NUBPL: variants seen among roughly 807,000 people sequenced by gnomAD.
NUBPL encodes NUBP iron-sulfur cluster assembly factor, mitochondrial, also known as iron-sulfur cluster transfer protein NUBPL.
Under a neutral mutation model 45.7 loss-of-function variants are expected in NUBPL, and 31 were observed. The observed-to-expected ratio is 0.68, with a 90% CI of 0.51 to 0.92. NUBPL has a LOEUF of 0.92. Ranked by LOEUF, NUBPL falls within the 40% of genes least tolerant of loss-of-function variation. NUBPL has a pLI of 0.00. For missense variants in NUBPL, 401 were observed against 398.7 expected (o/e 1.01, Z -0.05); for synonymous variants, 144 against 140.9 (o/e 1.02, Z -0.15).
intron 3 of NUBPL, among the ~76,000 whole-genome samples, chr14:31,596,487 C>CA (rs1259336016): frequency 2.2e-5 from 3 of 135,332 alleles, no homozygotes; most frequent in Non-Finnish European, 5.1e-5. Flanking sequence ...CCAAATCCTG[C>CA]CGTTTTTTGT....
At chr14:31,642,508 T>G (rs1325799304) in intron 4 of NUBPL, among the ~76,000 whole-genome samples, 1 of 152,048 alleles carries the variant, frequency 6.6e-6, no homozygotes, top group African/African-American at 2.4e-5. Flanking sequence ...GAGTGTGGAT[T>G]TATTTATGTG....
At chr14:31,778,311 A>AAAAC (rs1046918164) in intron 6 of NUBPL, among the ~76,000 whole-genome samples, 4 of 152,146 alleles carry the variant, frequency 2.6e-5, no homozygotes, top group South Asian at 2.1e-4. Flanking sequence ...TGAACAGACA[A>AAAAC]AAACAAACAA....
In NUBPL at chr14:31,593,513, CAAA is replaced by C. The variant is rs34026301; in HGVS notation, c.292-5754_292-5752del. Among the ~76,000 whole-genome samples the C allele has an allele frequency of 2.8e-3, 207 of 75,176 alleles. 1 individual carries two copies. Among genetic ancestry groups the C allele is most frequent in the African/African-American group, 0.011 (175 of 15,754 alleles). 49.3% of individuals were successfully genotyped at this position (75,176 alleles called of 152,430 possible). On this transcript the variant is annotated intron_variant, in intron 3 of 10. Transcript: ENST00000281081. ...TGGGCGACAGAGCGAGCTTCCGTCTCAAAAAAAAAAAAAAAAAAAAAAAAGAGT... is the reference window on the plus strand; with the variant it reads ...TGGGCGACAGAGCGAGCTTCCGTCTCAAAAAAAAAAAAAAAAAAAAAGAGT...
At position 31,582,317 on chromosome 14, in the gene NUBPL, A is replaced by C. The variant is rs539900744; in HGVS notation, c.292-16972A>C. On this transcript the variant is annotated intron_variant, in intron 3 of 10. Coordinates refer to ENST00000281081, the MANE Select transcript of NUBPL (RefSeq NM_025152.3). Reference sequence around the variant, plus strand: ...TATGAATGGAGTATTCTAGTGAGCAAACACCAGCTGTGTGTGACTAAGGGT... The same window carrying C: ...TATGAATGGAGTATTCTAGTGAGCACACACCAGCTGTGTGTGACTAAGGGT... 2.2e-4 allele frequency among the ~76,000 whole-genome samples: 34 copies of C among 151,952 alleles called. No homozygotes were observed. The South Asian group carries it at 5.8e-3, about 26-fold the overall frequency.
chr14:31,834,461 G>A (rs1046777207), intron 8 of NUBPL, among the ~76,000 whole-genome samples: 1 of 152,162 alleles, frequency 6.6e-6, no homozygotes, highest in South Asian at 2.1e-4. Flanking sequence ...TTACAGGCGT[G>A]AGCCACTGCG....
chr14:31,734,204 T>A (rs1434217266), intron 6 of NUBPL, among the ~76,000 whole-genome samples: 1 of 152,208 alleles, frequency 6.6e-6, no homozygotes, highest in East Asian at 1.9e-4. Context: ...TATAATTTTC[T>A]TCACATAAAA....
chr14:31,858,536 G>A (rs1469631050), intron 10 of NUBPL, among the ~76,000 whole-genome samples: 3 of 152,204 alleles, frequency 2.0e-5, no homozygotes, highest in Non-Finnish European at 4.4e-5. Flanking sequence ...GCTGCTGTTA[G>A]TGTCCCATGA....
At position 31,817,253 on chromosome 14, in the gene NUBPL, G is replaced by A. The variant is rs1222023893; in HGVS notation, c.608-9376G>A. Among the ~76,000 whole-genome samples, 8 of 152,188 alleles carry A rather than the reference G, an allele frequency of 5.3e-5. No homozygotes were observed. The East Asian group carries it at 1.5e-3, about 29-fold the overall frequency. On this transcript the variant is annotated intron_variant, in intron 7 of 10. Transcript: ENST00000281081. Reference sequence around the variant, plus strand: ...AACCAAGTTGAAAAACACTCTTCAGGTTATTATCCAGGAGAATTTTCCTTC... The same window carrying A: ...AACCAAGTTGAAAAACACTCTTCAGATTATTATCCAGGAGAATTTTCCTTC...
intron 4 of NUBPL, among the ~76,000 whole-genome samples, chr14:31,664,582 A>G (rs2036358511): frequency 6.6e-6 from 1 of 152,194 alleles, no homozygotes. Flanking sequence ...CCAGGGATGA[A>G]GCCAACTTGA....
intron 4 of NUBPL, among the ~76,000 whole-genome samples, chr14:31,600,304 G>C (rs1198843949): frequency 6.6e-6 from 1 of 152,132 alleles, no homozygotes; most frequent in Admixed American, 6.5e-5. Flanking sequence ...GGGGGTGCCT[G>C]GAGCTATCCT....
At chr14:31,760,126 A>AGTGTGTGTGTGTGT (rs147699444) in intron 6 of NUBPL, among the ~76,000 whole-genome samples, 492 of 29,782 alleles carry the variant, frequency 0.017, 73 homozygotes, top group African/African-American at 0.026. Flanking sequence ...TTCTGACTTT[A>AGTGTGTGTGTGTGT]GTGTGTGTGT....
chr14:31,666,254 TA>T (rs377119785), intron 4 of NUBPL, among the ~76,000 whole-genome samples: 9,132 of 52,412 alleles, frequency 0.17, 953 homozygotes, highest in South Asian at 0.27. Flanking sequence ...TATATATATA[TA>T]TATATATAAT....
chr14:31,568,212 A>G (rs2033489306), intron 3 of NUBPL, among the ~76,000 whole-genome samples: 1 of 152,170 alleles, frequency 6.6e-6, no homozygotes, highest in South Asian at 2.1e-4. Flanking sequence ...AAGGTAGATA[A>G]ATTTGTAGGT....
chr14:31,858,885 C>G (rs970701558), intron 10 of NUBPL, among the ~76,000 whole-genome samples: 1 of 152,202 alleles, frequency 6.6e-6, no homozygotes, highest in Non-Finnish European at 1.5e-5. Flanking sequence ...ATTTCTGGTA[C>G]TAAATATTAC....
At chr14:31,575,442 G>T (rs1157154181) in intron 3 of NUBPL, among the ~76,000 whole-genome samples, 1 of 152,132 alleles carries the variant, frequency 6.6e-6, no homozygotes, top group African/African-American at 2.4e-5. Flanking sequence ...ACGTTGTTGT[G>T]AGTATTAAAG....
intron 6 of NUBPL, among the ~76,000 whole-genome samples, chr14:31,705,600 A>G (rs1424127307): frequency 1.3e-5 from 2 of 152,064 alleles, no homozygotes; most frequent in Non-Finnish European, 1.5e-5. Flanking sequence ...CCAATTAGCT[A>G]GACACAGAGT....
intron 4 of NUBPL, among the ~76,000 whole-genome samples, chr14:31,664,332 T>C (rs1038500091): frequency 6.6e-6 from 1 of 152,182 alleles, no homozygotes; most frequent in Admixed American, 6.5e-5. Context: ...AGGGAATGCT[T>C]CCAGCTTTTG....
At chr14:31,849,729 C>T (rs2040508341) in intron 9 of NUBPL, among the ~76,000 whole-genome samples, 1 of 152,106 alleles carries the variant, frequency 6.6e-6, no homozygotes, top group South Asian at 2.1e-4. Flanking sequence ...AACTACTTTG[C>T]CTCCCCATAT....
intron 6 of NUBPL, among the ~76,000 whole-genome samples, chr14:31,712,466 G>A (rs1178965355): frequency 6.6e-6 from 1 of 152,226 alleles, no homozygotes; most frequent in Non-Finnish European, 1.5e-5. Flanking sequence ...CAGAACCTGT[G>A]CCAGCCTGTG....
Sources: allele counts gnomAD v4.1 joint callset (sites outside exome capture counted in the v4.1 genomes callset), GRCh38; gene constraint gnomAD v4.1.1; transcripts MANE v1.5; gene names NCBI Gene and HGNC (gene_info 2026-07-23, HGNC 2026-07-21).